Variants in TDRD12 observed in about 807,000 individuals in gnomAD.
TDRD12 encodes the protein tudor domain containing 12.
Under a neutral mutation model 133.5 loss-of-function variants are expected in TDRD12, and 158 were observed. The ratio of observed to expected loss-of-function variants is 1.18; its 90% CI spans 1.04 to 1.35. The LOEUF is 1.35. Ranked by LOEUF, TDRD12 falls within the 40% of genes most tolerant of loss-of-function variation. The probability of loss-of-function intolerance (pLI) is 0.00; values close to 1 mark genes in which losing one functional copy is unlikely to be tolerated. For missense variants in TDRD12, 1,443 were observed against 1,321.3 expected, an observed-to-expected ratio of 1.09 and a Z score of -1.43; for synonymous variants, 460 against 477.9, an observed-to-expected ratio of 0.96 and a Z score of 0.49.
At chr19:32,811,525 C>T (rs8113551) in intron 24 of TDRD12, 105 bp downstream of exon 24, 51,005 of 1,116,124 alleles carry the variant, frequency 0.046, 2,924 homozygotes, top group East Asian at 0.24. Flanking sequence ...CACGTTTGGG[C>T]AGGGAAAGTG....
chr19:32,732,013 T>C, intron 2 of TDRD12, 130 bp downstream of exon 2: 1 of 887,144 alleles, frequency 1.1e-6, no homozygotes, highest in Non-Finnish European at 1.6e-6. Context: ...TTGTGTTAGG[T>C]TTTTTTTTGA....
intron 26 of TDRD12, 119 bp from the exon 27 acceptor site, chr19:32,817,968 TCA>T: frequency 7.8e-6 from 5 of 640,938 alleles, no homozygotes; most frequent in African/African-American, 6.1e-5. Flanking sequence ...GGCCTCTGTC[TCA>T]AAAAAAAAAA....
chr19:32,811,987 G>A (rs997494196), intron 24 of TDRD12, among the ~76,000 whole-genome samples: 3 of 152,246 alleles, frequency 2.0e-5, no homozygotes, highest in Admixed American at 6.5e-5. Flanking sequence ...GTGCAGGGAC[G>A]ATGGGCCAGG....
intron 4 of TDRD12, among the ~76,000 whole-genome samples, chr19:32,745,358 A>T (rs946028784): frequency 1.3e-5 from 2 of 152,312 alleles, no homozygotes; most frequent in South Asian, 4.1e-4. Context: ...CTTCTTTGAC[A>T]TCTGATGCCT....
chr19:32,800,856 A>C (rs1971367269), intron 18 of TDRD12, 84 bp downstream of exon 18: 3 of 1,341,668 alleles, frequency 2.2e-6, no homozygotes, highest in Non-Finnish European at 2.9e-6. Flanking sequence ...GGGGTGGTTG[A>C]CTCTGTGGCA....
intron 4 of TDRD12, 67 bp from the exon 5 acceptor site, chr19:32,748,409 C>A: frequency 6.8e-7 from 1 of 1,473,200 alleles, no homozygotes; most frequent in Non-Finnish European, 9.2e-7. Context: ...GCATGGTTTA[C>A]AAAATGCTGT....
chr19:32,815,460 A>G (rs1177644921), exon 26 of TDRD12: 17 of 1,535,636 alleles, frequency 1.1e-5, no homozygotes, highest in Non-Finnish European at 1.5e-5. Flanking sequence ...GCACATTACA[A>G]ACCTTTCCAG....
At chr19:32,742,455 C>G (rs1969458778) in intron 3 of TDRD12, among the ~76,000 whole-genome samples, 1 of 152,154 alleles carries the variant, frequency 6.6e-6, no homozygotes, top group South Asian at 2.1e-4. Flanking sequence ...ACCACCACAC[C>G]TGGCCAGGAG....
At chr19:32,747,589 G>T (rs1969690144) in intron 4 of TDRD12, among the ~76,000 whole-genome samples, 1 of 152,092 alleles carries the variant, frequency 6.6e-6, no homozygotes, top group Non-Finnish European at 1.5e-5. Flanking sequence ...TTTCCCCACT[G>T]CCTACAGCTT....
rs183768164 is a variant in TDRD12 at position 32,787,855 on chromosome 19, C to T, written c.1122-2676C>T. ...CCAGGTACAGTCAGTCATGGCTTCC[C>T]TTGGCTAGGAAAGGGAAACCTTTCC... is the stretch of plus-strand genomic sequence containing the variant. On this transcript the variant is annotated intron_variant, in intron 11 of 27. Coordinates refer to ENST00000444215, the Ensembl canonical transcript of TDRD12. 4.6e-3 allele frequency among the ~76,000 whole-genome samples: 694 copies of T among 152,264 alleles called. 12 individuals are homozygous for T. The highest frequency in any genetic ancestry group is 0.042 in the Admixed American group (640 of 15,292).
intron 1 of TDRD12, among the ~76,000 whole-genome samples, chr19:32,720,931 C>T (rs530803430): frequency 1.3e-5 from 2 of 150,872 alleles, no homozygotes; most frequent in East Asian, 4.0e-4. Flanking sequence ...CCTGGAGGAG[C>T]GCGGAATTGG....
intron 11 of TDRD12, among the ~76,000 whole-genome samples, chr19:32,780,441 G>T (rs1202052376): frequency 6.6e-6 from 1 of 152,182 alleles, no homozygotes; most frequent in Non-Finnish European, 1.5e-5. Flanking sequence ...GAACAGCAAT[G>T]CATGTCGAAG....
At position 32,732,193 on chromosome 19, in the gene TDRD12, G is replaced by A. The variant is rs533893854; in HGVS notation, c.183+310G>A. Among the ~76,000 whole-genome samples the A allele has an allele frequency of 7.2e-5, 11 of 152,170 alleles. No individual in the cohort carries two copies. The East Asian group carries it at 9.7e-4, about 13-fold the overall frequency. The stretch of plus-strand genomic sequence containing the variant: ...TAATTTTTGTATTTTTAGTAGAGAC[G>A]GGGGTTTCACCGTGTTGGCCAGGCT... On this transcript the variant is annotated intron_variant, in intron 2 of 27. Coordinates refer to ENST00000444215, the Ensembl canonical transcript of TDRD12.
intron 11 of TDRD12, among the ~76,000 whole-genome samples, chr19:32,786,955 T>G (rs1421147244): frequency 1.3e-5 from 2 of 152,170 alleles, no homozygotes; most frequent in Non-Finnish European, 2.9e-5. Context: ...CTCCATCCAG[T>G]TTTGTTCTGT....
chr19:32,725,997 TA>T (rs1289750997), intron 1 of TDRD12, among the ~76,000 whole-genome samples: 1 of 152,198 alleles, frequency 6.6e-6, no homozygotes, highest in Non-Finnish European at 1.5e-5. Flanking sequence ...ATATATTATA[TA>T]TTTTTTATTG....
intron 24 of TDRD12, 33 bp from the exon 25 acceptor site, chr19:32,813,651 C>A: frequency 7.8e-7 from 1 of 1,277,224 alleles, no homozygotes; most frequent in Non-Finnish European, 1.1e-6. Flanking sequence ...TTGTTAAAGC[C>A]TCACCTAAAA....
intron 3 of TDRD12, among the ~76,000 whole-genome samples, chr19:32,741,425 A>G (rs1328939553): frequency 6.6e-6 from 1 of 152,244 alleles, no homozygotes; most frequent in Non-Finnish European, 1.5e-5. Context: ...ATACGTGTTT[A>G]TCAGACATTG....
exon 13 of TDRD12, chr19:32,790,977 A>T (rs1971052837): frequency 1.3e-6 from 2 of 1,535,736 alleles, no homozygotes; most frequent in African/African-American, 2.7e-5. Context: ...CAGAAGCTGA[A>T]GGGCCTGCAG....
intron 2 of TDRD12, among the ~76,000 whole-genome samples, chr19:32,734,206 T>G (rs1369316425): frequency 1.3e-5 from 2 of 151,998 alleles, no homozygotes; most frequent in African/African-American, 4.8e-5. Context: ...TTTTAAAAAT[T>G]TTTTAAATCA....
Sources: gnomAD v4.1 joint callset for allele counts (sites outside exome capture counted in the v4.1 genomes callset) on GRCh38, gnomAD v4.1.1 for gene constraint, MANE v1.5 for transcripts, NCBI Gene and HGNC (gene_info 2026-07-23, HGNC 2026-07-21) for gene names.